Variants in WDR33 observed in about 807,000 individuals in gnomAD.
WDR33 encodes the protein pre-mRNA 3' end processing protein WDR33.
Under a neutral mutation model 164.9 loss-of-function variants are expected in WDR33, and 47 were observed. The observed-to-expected ratio is 0.29, with a 90% CI of 0.23 to 0.36. The LOEUF (loss-of-function observed/expected upper bound fraction) is 0.36. Among genes scored for constraint, WDR33 ranks in the 10% least tolerant of loss-of-function variants. The probability of loss-of-function intolerance (pLI) is 1.00; values close to 1 mark genes in which losing one functional copy is unlikely to be tolerated. For synonymous variants in WDR33, 505 were observed against 589.0 expected (o/e 0.86, Z 2.06); for missense variants, 1,137 against 1,754.1 (o/e 0.65, Z 6.28).
In WDR33 at chr2:127,764,415, CTT is replaced by C; in HGVS notation, c.626+411_626+412del. On this transcript the variant is annotated intron_variant, in intron 6 of 21. Coordinates refer to ENST00000322313, the MANE Select transcript of WDR33 (RefSeq NM_018383.5). The surrounding 1 kb of genome is among the most constrained non-coding windows in gnomAD (Gnocchi z 6.2). ...AGGTCTTCACTTAAGCCTTTTTCCACTTTGTGTGAATTCTGAAGTTGTTTTCT... is the reference window on the plus strand; with the variant it reads ...AGGTCTTCACTTAAGCCTTTTTCCACTGTGTGAATTCTGAAGTTGTTTTCT... The C allele has an allele frequency of 6.9e-7, 1 of 1,445,766 alleles. No homozygotes were observed. Among genetic ancestry groups the C allele is most frequent in the Non-Finnish European group, 9.1e-7 (1 of 1,102,270 alleles). 89.6% of individuals were successfully genotyped at this position (1,445,766 alleles called of 1,614,324 possible).
At position 127,701,833 on chromosome 2, in the gene WDR33, T is replaced by C; in HGVS notation, c.*4490A>G. 1 of 1,458,774 alleles carries C rather than the reference T, an allele frequency of 6.9e-7. No homozygotes were observed. The allele number at this position is 1,458,774 out of a possible 1,614,324, so 90.4% of individuals were successfully genotyped here. ...GCCGCGCTCTACGCACCGGTGTTGCTGCTGCGCGCGCGCAAGTTCGCGCTG... is the reference window on the plus strand; with the variant it reads ...GCCGCGCTCTACGCACCGGTGTTGCCGCTGCGCGCGCGCAAGTTCGCGCTG... On this transcript the variant is annotated 3_prime_UTR_variant, in exon 22 of 22. Transcript: ENST00000322313.
intron 7 of WDR33, chr2:127,737,388 T>A (rs550651044): frequency 1.0e-6 from 1 of 985,440 alleles, no homozygotes; most frequent in Non-Finnish European, 1.2e-6. Flanking sequence ...TTCGGGCACA[T>A]GTTATTCAAC....
At chr2:127,809,052 A>T (rs2104696744) in intron 1 of WDR33, among the ~76,000 whole-genome samples, 1 of 150,718 alleles carries the variant, frequency 6.6e-6, no homozygotes, top group South Asian at 2.1e-4. Context: ...AAAAAAAAAA[A>T]AGAATTCCAG....
Position 127,713,808 on chromosome 2 carries a change from C to T in WDR33, c.3083G>A (p.Arg1028Gln), listed in dbSNP as rs768678999. ...TCCTCGCCCCTCAAATTCACGTAACCGGTGGCCAAAGCGCTTGTCAGGGTG... is the reference window on the plus strand; with the variant it reads ...TCCTCGCCCCTCAAATTCACGTAACTGGTGGCCAAAGCGCTTGTCAGGGTG... ...DFHPDKRFGHRLREFEGRGGP... is the reference protein window; with the variant it reads ...DFHPDKRFGHQLREFEGRGGP... The change falls in exon 18 of 22, where the codon CGG becomes CAG. Residue 1028 changes from arginine (R) to glutamine (Q), a missense_variant. Arg to Gln is a conservative substitution (Grantham distance 43). Transcript: ENST00000322313. This position sits in a 1 kb window ranked among gnomAD's most constrained non-coding sequence, Gnocchi z 6.2. 9.9e-6 allele frequency: 16 copies of T among 1,614,150 alleles called. No homozygotes were observed. Among genetic ancestry groups the T allele is most frequent in the Non-Finnish European group, 1.1e-5 (13 of 1,180,058 alleles).
At chr2:127,711,780 A>ATTTTTTT (rs1158780905) in intron 18 of WDR33, among the ~76,000 whole-genome samples, 3 of 88,320 alleles carry the variant, frequency 3.4e-5, no homozygotes, top group African/African-American at 1.9e-4. Flanking sequence ...ATATATATAT[A>ATTTTTTT]TTTTTTTTTT....
intron 1 of WDR33, among the ~76,000 whole-genome samples, chr2:127,808,711 A>G (rs777558734): frequency 4.6e-5 from 7 of 152,042 alleles, no homozygotes; most frequent in Non-Finnish European, 1.0e-4. Flanking sequence ...CCTGGCCAAC[A>G]TGGTGAAACC....
intron 1 of WDR33, among the ~76,000 whole-genome samples, chr2:127,789,391 T>C (rs1404739586): frequency 1.7e-5 from 2 of 117,610 alleles, no homozygotes; most frequent in South Asian, 7.0e-4. Flanking sequence ...ATCACGCCAC[T>C]GCACTCCAGC....
At chr2:127,755,919 G>A (rs1041563142) in intron 7 of WDR33, among the ~76,000 whole-genome samples, 3 of 151,982 alleles carry the variant, frequency 2.0e-5, no homozygotes, top group African/African-American at 4.8e-5. Context: ...TTTCAATATG[G>A]TAGAATACTT....
At chr2:127,753,623 T>C (rs1314788321) in intron 7 of WDR33, among the ~76,000 whole-genome samples, 2 of 152,210 alleles carry the variant, frequency 1.3e-5, no homozygotes, top group African/African-American at 4.8e-5. Flanking sequence ...TGTAATCATA[T>C]GCAATAGTGT....
chr2:127,764,225 T>C lies in WDR33; in HGVS notation c.626+603A>G. 6.3e-6 allele frequency: 7 copies of C among 1,117,800 alleles called. No individual in the cohort carries two copies. The highest frequency in any genetic ancestry group is 7.6e-6 in the Non-Finnish European group (7 of 915,756). 69.2% of individuals were successfully genotyped at this position (1,117,800 alleles called of 1,614,324 possible). A position where few individuals can be genotyped will look rare whatever the true frequency, so the allele number is the denominator to read the frequency against. On this transcript the variant is annotated intron_variant, in intron 6 of 21. Transcript: ENST00000322313. The surrounding 1 kb of genome is among the most constrained non-coding windows in gnomAD (Gnocchi z 6.2). ...TTTGCATAAGTGATGTTATCAACAG[T>C]GAATCAGAAGAAAAGTCCTAGAGTC...
At position 127,719,384 on chromosome 2, in the gene WDR33, G is replaced by C; in HGVS notation, c.2641C>G (p.Pro881Ala). Residue 881 changes from proline to alanine, a missense_variant, in exon 16 of 22, where the codon CCC becomes GCC. Around this residue, in one of 9 missense-constraint regions of WDR33, gnomAD observed 867 missense variants for 1,073.0 expected, o/e 0.81. Coordinates refer to ENST00000322313, the MANE Select transcript of WDR33 (RefSeq NM_018383.5). The surrounding 1 kb of genome is among the most constrained non-coding windows in gnomAD (Gnocchi z 6.5). ...GGGTTCTGCTGTCCCTGAGGTCCGG[G>C]GGGTCCTTGCATGCCACCCTGGGGT... ...PPPQGGMQGP[P>A]GPQGQQNPAR... is the part of the protein sequence containing the mutation. The C allele has an allele frequency of 6.6e-7, 1 of 1,522,236 alleles. No individual in the cohort carries two copies. The highest frequency in any genetic ancestry group is 8.8e-7 in the Non-Finnish European group (1 of 1,137,300). 94.3% of individuals were successfully genotyped at this position (1,522,236 alleles called of 1,614,324 possible).
At chr2:127,727,110 T>C (rs1305712613) in intron 7 of WDR33, among the ~76,000 whole-genome samples, 1 of 152,214 alleles carries the variant, frequency 6.6e-6, no homozygotes, top group Non-Finnish European at 1.5e-5. Flanking sequence ...TGTTCCCGAT[T>C]ACCCTGATTA....
rs1158780905 is a variant in WDR33, at chr2:127,711,780, A to ATTTTTTTTTTTTTTT, written c.3308+1802_3308+1803insAAAAAAAAAAAAAAA. 2.7e-4 allele frequency among the ~76,000 whole-genome samples: 24 copies of ATTTTTTTTTTTTTTT among 88,294 alleles called. No individual in the cohort carries two copies. In the East Asian group the frequency reaches 3.7e-3, roughly 14 times the overall value. 57.9% of individuals were successfully genotyped at this position (88,294 alleles called of 152,430 possible). A position where few individuals can be genotyped will look rare whatever the true frequency, so the allele number is the denominator to read the frequency against. ...TATATATATATATATATATATATAT[A>ATTTTTTTTTTTTTTT]TTTTTTTTTTGAGACAGAGTCTCGC... On this transcript the variant is annotated intron_variant, in intron 18 of 21. Transcript: ENST00000322313.
chr2:127,806,473 C>T (rs1405261308), intron 1 of WDR33, among the ~76,000 whole-genome samples: 3 of 152,080 alleles, frequency 2.0e-5, no homozygotes, highest in Non-Finnish European at 2.9e-5. Flanking sequence ...CTCCCAAGTG[C>T]TGGGATTACA....
chr2:127,771,998 C>CT (rs1297823100), intron 1 of WDR33, among the ~76,000 whole-genome samples: 1 of 151,914 alleles, frequency 6.6e-6, no homozygotes, highest in Non-Finnish European at 1.5e-5. Context: ...TTCACTTTTT[C>CT]TTTTTTTTCT....
At chr2:127,729,179 G>A (rs909535072) in intron 7 of WDR33, among the ~76,000 whole-genome samples, 1 of 152,174 alleles carries the variant, frequency 6.6e-6, no homozygotes, top group East Asian at 1.9e-4. Flanking sequence ...TATGTATAGC[G>A]TTATTCTAAG....
At chr2:127,768,323 G>C (rs112542882) in intron 3 of WDR33, 30 bp from the exon 4 acceptor site, 1 of 1,385,336 alleles carries the variant, frequency 7.2e-7, no homozygotes, top group Non-Finnish European at 9.8e-7. Flanking sequence ...GGTTCTTAGA[G>C]CTCCTGATTA....
chr2:127,750,322 C>T (rs1277073274), intron 7 of WDR33, among the ~76,000 whole-genome samples: 1 of 152,000 alleles, frequency 6.6e-6, no homozygotes, highest in African/African-American at 2.4e-5. Context: ...GCCACCGCAC[C>T]CAGCTGAGAA....
intron 1 of WDR33, among the ~76,000 whole-genome samples, chr2:127,791,863 C>G (rs536167850): frequency 6.6e-6 from 1 of 152,160 alleles, no homozygotes; most frequent in East Asian, 1.9e-4. Flanking sequence ...TGCTAAGGAG[C>G]TAGTAGTTTT....
Sources: allele counts gnomAD v4.1 joint callset (sites outside exome capture counted in the v4.1 genomes callset), GRCh38; gene constraint gnomAD v4.1.1; regional missense constraint gnomAD v4.1.1; non-coding constraint Gnocchi (gnomAD v3.1); transcripts MANE v1.5; gene names NCBI Gene and HGNC (gene_info 2026-07-23, HGNC 2026-07-21).